OR9Q1: variants seen among roughly 807,000 people sequenced by gnomAD.
The protein encoded by OR9Q1 is olfactory receptor 9Q1.
For synonymous variants in OR9Q1, 153 were observed against 148.6 expected (o/e 1.03, Z -0.22); for missense variants, 374 against 378.8 (o/e 0.99, Z 0.11).
intron 2 of OR9Q1, among the ~76,000 whole-genome samples, chr11:58,123,487 T>G (rs930442826): frequency 6.6e-6 from 1 of 152,198 alleles, no homozygotes. Context: ...GGGGTGCAGA[T>G]GCAATCACAC....
chr11:58,142,767 A>G (rs1419299393), intron 2 of OR9Q1, among the ~76,000 whole-genome samples: 1 of 152,194 alleles, frequency 6.6e-6, no homozygotes, highest in African/African-American at 2.4e-5. Flanking sequence ...CGAGAACCCC[A>G]TCTGTATTAG....
At chr11:58,124,035 A>G (rs1439966254) in intron 2 of OR9Q1, among the ~76,000 whole-genome samples, 10 of 152,218 alleles carry the variant, frequency 6.6e-5, no homozygotes, top group Non-Finnish European at 1.0e-4. Context: ...ATGGATGTTT[A>G]TCTAATATGG....
intron 1 of OR9Q1, chr11:58,031,784 G>T (rs1428836297): frequency 6.2e-7 from 1 of 1,613,962 alleles, no homozygotes; most frequent in South Asian, 1.1e-5. Flanking sequence ...CAACAAGGTG[G>T]TATCTGTCTT....
chr11:58,123,388 A>G (rs1703444269), intron 2 of OR9Q1, among the ~76,000 whole-genome samples: 1 of 152,190 alleles, frequency 6.6e-6, no homozygotes, highest in South Asian at 2.1e-4. Context: ...GTCATATTAC[A>G]TCTATCTCAT....
At chr11:58,040,244 C>CATTTTTGATAGATATTTTT (rs1344549654) in intron 1 of OR9Q1, among the ~76,000 whole-genome samples, 5 of 152,140 alleles carry the variant, frequency 3.3e-5, no homozygotes, top group Non-Finnish European at 5.9e-5. Context: ...AAATATCTAC[C>CATTTTTGATAGATATTTTT]TTTTGAATGT....
chr11:58,025,602 C>T (rs79793383), intron 1 of OR9Q1, among the ~76,000 whole-genome samples: 3,469 of 152,266 alleles, frequency 0.023, 68 homozygotes, highest in Non-Finnish European at 0.036. Context: ...TGCTCTGGAA[C>T]TCTCGCTCAG....
chr11:58,033,438 A>G (rs1251677844), intron 1 of OR9Q1, among the ~76,000 whole-genome samples: 2 of 152,230 alleles, frequency 1.3e-5, no homozygotes, highest in African/African-American at 2.4e-5. Context: ...AAAGAATGAA[A>G]TTGTATTATA....
At chr11:58,159,943 TC>T (rs1287957745) in intron 2 of OR9Q1, among the ~76,000 whole-genome samples, 1 of 152,208 alleles carries the variant, frequency 6.6e-6, no homozygotes, top group Non-Finnish European at 1.5e-5. Flanking sequence ...ACTGAGCAGA[TC>T]TTAATAACTA....
chr11:58,031,620 G>T, intron 1 of OR9Q1: 1 of 1,610,644 alleles, frequency 6.2e-7, no homozygotes, highest in East Asian at 2.2e-5. Flanking sequence ...GTGTCCTATG[G>T]CAACATCGTC....
chr11:58,169,398 T>C (rs1403757013), intron 2 of OR9Q1, among the ~76,000 whole-genome samples: 2 of 152,178 alleles, frequency 1.3e-5, no homozygotes, highest in African/African-American at 4.8e-5. Context: ...TTTTATATTC[T>C]CTTAGAACTT....
At chr11:58,098,187 ACCCGGGGTTTTTTAT>A (rs1414471682) in intron 2 of OR9Q1, among the ~76,000 whole-genome samples, 1 of 152,162 alleles carries the variant, frequency 6.6e-6, no homozygotes, top group East Asian at 1.9e-4. Flanking sequence ...AATCATCTGC[ACCCGGGGTTTTTTAT>A]CCCGTCGTGG....
intron 2 of OR9Q1, among the ~76,000 whole-genome samples, chr11:58,179,006 GAA>G (rs1491093411): frequency 7.6e-6 from 1 of 131,556 alleles, no homozygotes; most frequent in Non-Finnish European, 1.6e-5. Context: ...GAGAGAGAAA[GAA>G]AGAAAGAGAG....
intron 2 of OR9Q1, chr11:58,171,421 G>C (rs1292941855): frequency 6.6e-6 from 1 of 152,150 alleles, no homozygotes; most frequent in East Asian, 1.9e-4. Flanking sequence ...GACTAGTTTT[G>C]ATCCTGTTCT....
At chr11:58,024,490 A>G (rs772204464) in intron 1 of OR9Q1, among the ~76,000 whole-genome samples, 3 of 152,162 alleles carry the variant, frequency 2.0e-5, no homozygotes, top group Non-Finnish European at 2.9e-5. Flanking sequence ...CAGGCTTGTC[A>G]CGTAGCTACA....
At chr11:58,059,271 A>G (rs1020030240) in intron 2 of OR9Q1, among the ~76,000 whole-genome samples, 34 of 152,338 alleles carry the variant, frequency 2.2e-4, no homozygotes, top group African/African-American at 7.9e-4. Flanking sequence ...TACATTGTAT[A>G]ATTCTTGGCA....
chr11:58,092,100 T>C (rs982731462), intron 2 of OR9Q1, among the ~76,000 whole-genome samples: 1 of 152,146 alleles, frequency 6.6e-6, no homozygotes, highest in Non-Finnish European at 1.5e-5. Context: ...CTTTATCCAA[T>C]TTGCCAGTCT....
intron 1 of OR9Q1, 108 bp from the exon 2 acceptor site, chr11:58,055,762 T>A (rs2119981273): frequency 6.9e-6 from 1 of 145,530 alleles, no homozygotes; most frequent in South Asian, 2.2e-4. Context: ...ATCGTACCAC[T>A]GTACTCCAGC....
chr11:58,125,092 G>A (rs1854075809), intron 2 of OR9Q1, among the ~76,000 whole-genome samples: 1 of 152,084 alleles, frequency 6.6e-6, no homozygotes, highest in Admixed American at 6.6e-5. Flanking sequence ...ATTACAGAAA[G>A]TAGAGTCATT....
chr11:58,135,290 A>G (rs1854179291), intron 2 of OR9Q1, among the ~76,000 whole-genome samples: 1 of 152,140 alleles, frequency 6.6e-6, no homozygotes, highest in South Asian at 2.1e-4. Context: ...GTTTTTTTCC[A>G]AACAAGATTT....
Sources: allele counts gnomAD v4.1 joint callset (sites outside exome capture counted in the v4.1 genomes callset), GRCh38; gene constraint gnomAD v4.1.1; transcripts MANE v1.5; gene names NCBI Gene and HGNC (gene_info 2026-07-23, HGNC 2026-07-21).